The following HPSE2 variants were observed in gnomAD, a reference collection of about 807,000 sequenced individuals.
HPSE2 encodes heparanase 2 (inactive).
HPSE2 carries 38 observed loss-of-function variants against 60.5 expected under a neutral mutation model. That is an observed-to-expected ratio of 0.63 (90% CI 0.48 to 0.82). The LOEUF is 0.82. Ranked by LOEUF, HPSE2 falls within the 40% of genes least tolerant of loss-of-function variation. The pLI is 0.00. For missense variants in HPSE2, 713 were observed against 740.4 expected (o/e 0.96, Z 0.43); for synonymous variants, 295 against 293.2 (o/e 1.01, Z -0.06).
chr10:98,470,134 C>A (rs905843096), intron 11 of HPSE2, among the ~76,000 whole-genome samples: 1 of 108,900 alleles, frequency 9.2e-6, no homozygotes, highest in Non-Finnish European at 1.9e-5. Flanking sequence ...TGTATGCACA[C>A]ATGTTAACAC....
At position 99,161,504 on chromosome 10, in the gene HPSE2, G is replaced by A. The variant is rs544480935; in HGVS notation, c.449-17105C>T. ...CATTTATGTGAAATTTCTGGAGAAC[G>A]CATATCAATTGACAGAAAGCATATC... is the stretch of plus-strand genomic sequence containing the variant. On this transcript the variant is annotated intron_variant, in intron 2 of 11. Coordinates refer to ENST00000370552, the MANE Select transcript of HPSE2 (RefSeq NM_021828.5). 2.0e-4 allele frequency among the ~76,000 whole-genome samples: 30 copies of A among 152,220 alleles called. No homozygotes were observed. The East Asian group carries it at 5.2e-3, about 26-fold the overall frequency.
At chr10:98,972,098 T>A (rs1489726411) in intron 3 of HPSE2, among the ~76,000 whole-genome samples, 2 of 152,106 alleles carry the variant, frequency 1.3e-5, no homozygotes, top group African/African-American at 4.8e-5. Flanking sequence ...GCCAGTTTAA[T>A]AGGTAGAAAG....
chr10:98,524,079 C>T (rs1028535356), intron 9 of HPSE2, among the ~76,000 whole-genome samples: 1 of 152,218 alleles, frequency 6.6e-6, no homozygotes, highest in African/African-American at 2.4e-5. Flanking sequence ...CCTCAAGACA[C>T]GCAACCAGTA....
chr10:99,000,101 A>C (rs747897649), intron 3 of HPSE2, among the ~76,000 whole-genome samples: 5 of 152,148 alleles, frequency 3.3e-5, no homozygotes, highest in African/African-American at 4.8e-5. Flanking sequence ...ACATTTATAA[A>C]AAGGCAGAGC....
At chr10:98,644,265 G>A (rs531417190) in intron 6 of HPSE2, among the ~76,000 whole-genome samples, 4 of 152,126 alleles carry the variant, frequency 2.6e-5, no homozygotes, top group African/African-American at 7.2e-5. Context: ...CACGGGACCT[G>A]TCATATAAAA....
chr10:99,022,241 A>G (rs1957279062), intron 3 of HPSE2, among the ~76,000 whole-genome samples: 1 of 152,004 alleles, frequency 6.6e-6, no homozygotes, highest in Non-Finnish European at 1.5e-5. Flanking sequence ...ATCCTGATAA[A>G]GAAGAAAAGA....
At chr10:98,694,971 A>C (rs999927549) in intron 5 of HPSE2, among the ~76,000 whole-genome samples, 1 of 152,132 alleles carries the variant, frequency 6.6e-6, no homozygotes, top group African/African-American at 2.4e-5. Flanking sequence ...AGGGAGAAGG[A>C]TGGTGTTTTG....
At chr10:98,628,847 G>A (rs1020758603) in intron 7 of HPSE2, among the ~76,000 whole-genome samples, 2 of 151,722 alleles carry the variant, frequency 1.3e-5, no homozygotes, top group Admixed American at 6.6e-5. Flanking sequence ...AAAGAGAGGG[G>A]AGACTAGAGA....
chr10:99,153,928 C>T (rs1364835435), intron 2 of HPSE2, among the ~76,000 whole-genome samples: 4 of 151,878 alleles, frequency 2.6e-5, no homozygotes, highest in African/African-American at 9.7e-5. Flanking sequence ...GAGCTGAAAA[C>T]CAAGGCTCGA....
chr10:98,766,760 A>G (rs961261061), intron 3 of HPSE2, among the ~76,000 whole-genome samples: 30 of 152,098 alleles, frequency 2.0e-4, no homozygotes, highest in African/African-American at 7.2e-4. Context: ...CCCAATCTCT[A>G]CTAAAAATAC....
At chr10:98,944,342 C>G (rs925194251) in intron 3 of HPSE2, among the ~76,000 whole-genome samples, 6 of 152,192 alleles carry the variant, frequency 3.9e-5, no homozygotes, top group Middle Eastern at 3.4e-3. Flanking sequence ...AAATGGGACA[C>G]TGAACAAGCC....
At chr10:99,101,395 A>C (rs903677329) in intron 3 of HPSE2, among the ~76,000 whole-genome samples, 8 of 152,280 alleles carry the variant, frequency 5.3e-5, no homozygotes, top group East Asian at 1.9e-4. Flanking sequence ...ACAAAGAAGG[A>C]CATTACATAA....
At chr10:98,741,090 C>T (rs1333173501) in intron 4 of HPSE2, among the ~76,000 whole-genome samples, 3 of 151,894 alleles carry the variant, frequency 2.0e-5, no homozygotes, top group African/African-American at 7.3e-5. Context: ...CATTAATAAT[C>T]ATTTATTATT....
intron 9 of HPSE2, among the ~76,000 whole-genome samples, chr10:98,549,914 TTC>T (rs1168540669): frequency 6.6e-6 from 1 of 152,164 alleles, no homozygotes; most frequent in African/African-American, 2.4e-5. Context: ...ACTCCCACGG[TTC>T]AGCTCTATAT....
intron 2 of HPSE2, among the ~76,000 whole-genome samples, chr10:99,203,695 T>C (rs1848650113): frequency 1.3e-5 from 2 of 151,414 alleles, no homozygotes; most frequent in Admixed American, 1.3e-4. Context: ...AAACCTACCA[T>C]CCAGGCCAGC....
intron 11 of HPSE2, among the ~76,000 whole-genome samples, chr10:98,478,660 T>TA (rs1941117871): frequency 1.3e-5 from 2 of 152,256 alleles, no homozygotes; most frequent in African/African-American, 4.8e-5. Flanking sequence ...TGGAGTATTC[T>TA]AGGCCAAATC....
intron 9 of HPSE2, among the ~76,000 whole-genome samples, chr10:98,581,697 C>T (rs1203115949): frequency 2.0e-5 from 3 of 152,000 alleles, no homozygotes; most frequent in Non-Finnish European, 4.4e-5. Flanking sequence ...ATTTTTAAAG[C>T]AATTATAAAA....
At chr10:98,612,025 T>A (rs147748403) in intron 9 of HPSE2, among the ~76,000 whole-genome samples, 52 of 152,344 alleles carry the variant, frequency 3.4e-4, no homozygotes, top group African/African-American at 1.2e-3. Context: ...CCATGAGGAC[T>A]GACATCCTTA....
chr10:99,072,768 A>T (rs1296337328), intron 3 of HPSE2, among the ~76,000 whole-genome samples: 1 of 152,044 alleles, frequency 6.6e-6, no homozygotes. Flanking sequence ...TACTAAAAAT[A>T]CAAAATAAAA....
Sources: gnomAD v4.1 joint callset for allele counts (sites outside exome capture counted in the v4.1 genomes callset) on GRCh38, gnomAD v4.1.1 for gene constraint, MANE v1.5 for transcripts, NCBI Gene and HGNC (gene_info 2026-07-23, HGNC 2026-07-21) for gene names.